NXN: variants seen among roughly 807,000 people sequenced by gnomAD.
The protein encoded by NXN is nucleoredoxin, also known as nucleoredoxin 1.
A neutral mutation model predicts 48.6 loss-of-function variants in NXN; 16 were observed. That is an observed-to-expected ratio of 0.33 (90% confidence interval 0.22 to 0.50). The LOEUF is 0.50. Among genes scored for constraint, NXN ranks in the 20% least tolerant of loss-of-function variants. NXN has a pLI of 0.98. For synonymous variants in NXN, 281 were observed against 269.6 expected, an observed-to-expected ratio of 1.04 and a Z score of -0.41; for missense variants, 492 against 605.5, an observed-to-expected ratio of 0.81 and a Z score of 1.97.
At chr17:952,037 G>A (rs116072198) in intron 1 of NXN, among the ~76,000 whole-genome samples, 1,626 of 152,318 alleles carry the variant, frequency 0.011, 37 homozygotes, top group African/African-American at 0.037. Flanking sequence ...CATGGCCAGC[G>A]CTGAAAGAAG....
chr17:877,587 CG>C (rs2068230881), intron 1 of NXN, among the ~76,000 whole-genome samples: 1 of 152,144 alleles, frequency 6.6e-6, no homozygotes, highest in African/African-American at 2.4e-5. Flanking sequence ...CAGCCCCATA[CG>C]GAAGACGGAC....
At chr17:843,056 G>GAAAGC (rs113972004) in intron 1 of NXN, among the ~76,000 whole-genome samples, 13 of 107,334 alleles carry the variant, frequency 1.2e-4, no homozygotes, top group African/African-American at 4.6e-4. Flanking sequence ...AAGAAAGAAA[G>GAAAGC]AAGGAAGAAA....
In NXN at chr17:895,795, GTTTTGTT is replaced by G. The variant is rs1293339086; in HGVS notation, c.361-69724_361-69718del. Among the ~76,000 whole-genome samples, 159 of 120,320 alleles carry G rather than the reference GTTTTGTT, an allele frequency of 1.3e-3. 4 individuals are homozygous for G. Among genetic ancestry groups the G allele is most frequent in the Non-Finnish European group, 6.4e-4 (33 of 51,908 alleles). 78.9% of individuals were successfully genotyped at this position (120,320 alleles called of 152,430 possible). ...ATCGCACCACTGCACTCCAGCCTGG[GTTTTGTT>G]TGTCTCAAAAACAAACAAACAAACA... On this transcript the variant is annotated intron_variant, in intron 1 of 7. Coordinates refer to ENST00000336868, the MANE Select transcript of NXN (RefSeq NM_022463.5).
chr17:812,954 A>T (rs1912238983), intron 5 of NXN, among the ~76,000 whole-genome samples: 1 of 145,700 alleles, frequency 6.9e-6, no homozygotes. Context: ...GTGTGAGTGT[A>T]GGTGTGCATG....
At chr17:819,352 T>C in intron 5 of NXN, 87 bp downstream of exon 5, 1 of 892,896 alleles carries the variant, frequency 1.1e-6, no homozygotes, top group Non-Finnish European at 1.9e-6. Context: ...AATGATGCTC[T>C]TCTTCTTAAA....
At chr17:979,224 G>A in intron 1 of NXN, 95 bp downstream of exon 1, 1 of 870,272 alleles carries the variant, frequency 1.1e-6, no homozygotes, top group South Asian at 2.0e-5. Context: ...GGGGACAACG[G>A]GGTTGGCGGA....
At chr17:948,257 G>A (rs879549290) in intron 1 of NXN, among the ~76,000 whole-genome samples, 2 of 152,074 alleles carry the variant, frequency 1.3e-5, no homozygotes, top group Admixed American at 1.3e-4. Context: ...TTACCCTGGT[G>A]TGATGATCAC....
intron 1 of NXN, among the ~76,000 whole-genome samples, chr17:957,411 A>ATCATGAGG (rs1232622766): frequency 6.6e-6 from 1 of 152,086 alleles, no homozygotes; most frequent in Non-Finnish European, 1.5e-5. Flanking sequence ...AAGCGGGTGG[A>ATCATGAGG]TCATGAGGTC....
chr17:924,221 A>G (rs1334941016), intron 1 of NXN, among the ~76,000 whole-genome samples: 1 of 137,468 alleles, frequency 7.3e-6, no homozygotes, highest in East Asian at 2.2e-4. Flanking sequence ...TTTTTATTTT[A>G]TTTATTTGGG....
chr17:845,373 C>T (rs555080117), intron 1 of NXN, among the ~76,000 whole-genome samples: 1 of 151,702 alleles, frequency 6.6e-6, no homozygotes, highest in Non-Finnish European at 1.5e-5. Context: ...AGAATCCTAC[C>T]GTCATCACCC....
intron 1 of NXN, among the ~76,000 whole-genome samples, chr17:893,649 C>G (rs1021554933): frequency 1.7e-5 from 1 of 58,590 alleles, no homozygotes; most frequent in Non-Finnish European, 3.3e-5. Context: ...AGCATCTCAA[C>G]CCCTGGAAGC....
At chr17:904,380 G>A (rs1304146791) in intron 1 of NXN, among the ~76,000 whole-genome samples, 2 of 152,132 alleles carry the variant, frequency 1.3e-5, no homozygotes, top group South Asian at 2.1e-4. Flanking sequence ...GGACGCACAC[G>A]TCGGAAAAAG....
intron 5 of NXN, among the ~76,000 whole-genome samples, chr17:812,940 ATATG>A (rs1309597462): frequency 7.5e-5 from 11 of 147,182 alleles, no homozygotes; most frequent in African/African-American, 2.5e-4. Flanking sequence ...GTGAGTGTGC[ATATG>A]TGTGAGTGTA....
intron 1 of NXN, among the ~76,000 whole-genome samples, chr17:934,403 A>G (rs926081116): frequency 9.3e-5 from 14 of 150,446 alleles, no homozygotes; most frequent in African/African-American, 2.4e-4. Context: ...CCGAGATAGC[A>G]CCACTGCACT....
chr17:959,824 G>A (rs1282620975), intron 1 of NXN, among the ~76,000 whole-genome samples: 5 of 150,784 alleles, frequency 3.3e-5, no homozygotes, highest in African/African-American at 1.2e-4. Flanking sequence ...TGGGTGTGGT[G>A]GCTCATGCCT....
At chr17:854,523 C>T (rs1231211981) in intron 1 of NXN, among the ~76,000 whole-genome samples, 4 of 151,436 alleles carry the variant, frequency 2.6e-5, no homozygotes, top group East Asian at 3.9e-4. Flanking sequence ...GGCGTGGTGG[C>T]GGGCACCTGT....
intron 1 of NXN, among the ~76,000 whole-genome samples, chr17:843,002 A>G (rs866188539): frequency 1.0e-5 from 1 of 100,174 alleles, no homozygotes; most frequent in Non-Finnish European, 2.1e-5. Context: ...GAAAGAGAGA[A>G]AGAGAGAAAG....
rs544554308 is a variant in NXN at position 958,372 on chromosome 17, C to T, written c.360+20947G>A. On this transcript the variant is annotated intron_variant, in intron 1 of 7. Coordinates refer to ENST00000336868, the MANE Select transcript of NXN (RefSeq NM_022463.5). The surrounding 1 kb of genome is among the most constrained non-coding windows in gnomAD (Gnocchi z 6.9). ...CCTTCAAAAACTGGAAGCAGCAGGG[C>T]GCGGTGGCTCGCACCTGTCATCCCA... is the stretch of plus-strand genomic sequence containing the variant. 2.6e-5 allele frequency among the ~76,000 whole-genome samples: 4 copies of T among 152,286 alleles called. No homozygotes were observed. Among genetic ancestry groups the T allele is most frequent in the South Asian group, 4.1e-4 (2 of 4,824 alleles).
At chr17:976,341 C>A (rs970885410) in intron 1 of NXN, among the ~76,000 whole-genome samples, 2 of 152,086 alleles carry the variant, frequency 1.3e-5, no homozygotes, top group African/African-American at 4.8e-5. Flanking sequence ...ACAGCATTTT[C>A]TTTCCCCACC....
Sources: gnomAD v4.1 joint callset for allele counts (sites outside exome capture counted in the v4.1 genomes callset) on GRCh38, gnomAD v4.1.1 for gene constraint, Gnocchi (gnomAD v3.1) non-coding constraint, MANE v1.5 for transcripts, NCBI Gene and HGNC (gene_info 2026-07-23, HGNC 2026-07-21) for gene names.